Variants in SPACA7 observed in about 807,000 individuals in gnomAD.
SPACA7 encodes sperm acrosome-associated protein 7.
In SPACA7, 19 loss-of-function variants were observed where a neutral mutation model predicts 26.3. The observed-to-expected ratio is 0.72, with a 90% CI of 0.50 to 1.06. SPACA7 has a LOEUF of 1.06. Among genes scored for constraint, SPACA7 ranks in the 50% least tolerant of loss-of-function variants. The pLI, the probability that SPACA7 is intolerant of heterozygous loss-of-function variation, is 0.00. For missense variants in SPACA7, 211 were observed against 229.9 expected (o/e 0.92, Z 0.53); for synonymous variants, 84 against 84.5 (o/e 0.99, Z 0.04).
intron 1 of SPACA7, among the ~76,000 whole-genome samples, chr13:112,381,365 T>G (rs141753633): frequency 1.3e-3 from 190 of 152,000 alleles, no homozygotes; most frequent in East Asian, 7.8e-3. Flanking sequence ...TGGTGGCATG[T>G]GTCTATAGTT....
At chr13:112,383,143 AAGAAAGAAAGAAAGAAAG>A in intron 1 of SPACA7, among the ~76,000 whole-genome samples, 3 of 93,618 alleles carry the variant, frequency 3.2e-5, no homozygotes, top group South Asian at 3.4e-4. Context: ...GAAAGAAAGA[AAGAAAGAAAGAAAGAAAG>A]AAAGAAAGAA....
intron 5 of SPACA7, among the ~76,000 whole-genome samples, chr13:112,414,338 C>A (rs1417613507): frequency 4.5e-5 from 6 of 132,008 alleles, no homozygotes; most frequent in Non-Finnish European, 9.8e-5. Context: ...GTTATTATTT[C>A]AATCTTTCAT....
chr13:112,434,395 C>T lies in SPACA7; in HGVS notation c.524-90C>T, dbSNP rs1005279771. 56 of 1,121,900 alleles carry T rather than the reference C, an allele frequency of 5.0e-5. No homozygotes were observed. In the Admixed American group the frequency reaches 1.1e-3, roughly 21 times the overall value. The allele number at this position is 1,121,900 out of a possible 1,614,324, so 69.5% of individuals were successfully genotyped here. Reference sequence around the variant, plus strand: ...CTCCACAACTGAGGGCTTGGTTCCTCCTGTCCCCTGGTGTCCCTCGATCCT... The same window carrying T: ...CTCCACAACTGAGGGCTTGGTTCCTTCTGTCCCCTGGTGTCCCTCGATCCT... On this transcript the variant is annotated intron_variant, in intron 6 of 6. Coordinates refer to ENST00000283550, the MANE Select transcript of SPACA7 (RefSeq NM_145248.5).
intron 1 of SPACA7, among the ~76,000 whole-genome samples, chr13:112,387,566 T>C (rs999309165): frequency 3.3e-5 from 5 of 152,206 alleles, no homozygotes; most frequent in African/African-American, 1.2e-4. Context: ...AGTTTACCAT[T>C]TACTCAGAGA....
chr13:112,396,045 A>G (rs56794768), intron 2 of SPACA7, among the ~76,000 whole-genome samples: 1 of 125,622 alleles, frequency 8.0e-6, no homozygotes, highest in Admixed American at 8.0e-5. Context: ...CCCCAAAGCC[A>G]TGACTGCTCT....
chr13:112,431,442 T>C (rs1877127978), intron 5 of SPACA7, among the ~76,000 whole-genome samples: 1 of 152,162 alleles, frequency 6.6e-6, no homozygotes, highest in African/African-American at 2.4e-5. Flanking sequence ...TGGGACCTGG[T>C]AAAATCTAAG....
intron 5 of SPACA7, among the ~76,000 whole-genome samples, chr13:112,421,376 G>A (rs1467915403): frequency 6.6e-6 from 1 of 152,038 alleles, no homozygotes; most frequent in African/African-American, 2.4e-5. Flanking sequence ...GTAAAGCCTA[G>A]ATCCAACACT....
chr13:112,416,585 C>A (rs1886707268), intron 5 of SPACA7, among the ~76,000 whole-genome samples: 1 of 152,172 alleles, frequency 6.6e-6, no homozygotes. Flanking sequence ...CCATGCCCAG[C>A]CCCTGCTTTG....
At chr13:112,379,665 G>A (rs987819880) in intron 1 of SPACA7, among the ~76,000 whole-genome samples, 4 of 152,118 alleles carry the variant, frequency 2.6e-5, no homozygotes, top group Admixed American at 2.0e-4. Context: ...TGCTTTTTAC[G>A]AATTTAATGT....
intron 5 of SPACA7, among the ~76,000 whole-genome samples, chr13:112,415,570 T>C (rs975281969): frequency 3.3e-5 from 5 of 152,050 alleles, no homozygotes; most frequent in African/African-American, 9.7e-5. Flanking sequence ...AAGGCCCCTG[T>C]ACTCTTTTCT....
intron 2 of SPACA7, among the ~76,000 whole-genome samples, chr13:112,397,508 C>T (rs1197573417): frequency 1.3e-5 from 2 of 152,214 alleles, no homozygotes; most frequent in African/African-American, 4.8e-5. Flanking sequence ...AGCTCAGAGC[C>T]GTGAGGACGC....
intron 2 of SPACA7, among the ~76,000 whole-genome samples, chr13:112,397,496 A>C (rs1885350640): frequency 1.3e-5 from 2 of 152,238 alleles, no homozygotes; most frequent in Admixed American, 1.3e-4. Flanking sequence ...ACAGGAAACC[A>C]AAGCTCAGAG....
intron 1 of SPACA7, among the ~76,000 whole-genome samples, chr13:112,385,792 G>T (rs1214978609): frequency 6.6e-6 from 1 of 152,148 alleles, no homozygotes; most frequent in East Asian, 1.9e-4. Context: ...CAAAACATTT[G>T]ATTTAAGTGC....
chr13:112,382,443 G>A (rs568496658), intron 1 of SPACA7: 2 of 1,549,966 alleles, frequency 1.3e-6, no homozygotes, highest in South Asian at 1.2e-5. Flanking sequence ...ATGGGAAAAG[G>A]CTGTCAATGC....
intron 2 of SPACA7, among the ~76,000 whole-genome samples, chr13:112,397,803 A>G (rs1314096714): frequency 6.6e-6 from 1 of 152,200 alleles, no homozygotes; most frequent in Non-Finnish European, 1.5e-5. Flanking sequence ...TTGGGGGGCA[A>G]TGTTCAGTGT....
intron 1 of SPACA7, among the ~76,000 whole-genome samples, chr13:112,388,009 C>T (rs192830715): frequency 3.3e-5 from 5 of 152,218 alleles, no homozygotes; most frequent in Admixed American, 2.0e-4. Context: ...CTGGGCAAGG[C>T]GAAGACAGGC....
intron 5 of SPACA7, among the ~76,000 whole-genome samples, chr13:112,404,590 G>A (rs1173842448): frequency 6.6e-6 from 1 of 152,154 alleles, no homozygotes; most frequent in Admixed American, 6.5e-5. Flanking sequence ...GTTGATTTTT[G>A]TATAAGCTGA....
intron 5 of SPACA7, among the ~76,000 whole-genome samples, chr13:112,413,762 A>G (rs1886504159): frequency 6.6e-6 from 1 of 151,908 alleles, no homozygotes; most frequent in South Asian, 2.1e-4. Context: ...ATTGCTTTTT[A>G]TTTTCCCCTC....
intron 5 of SPACA7, among the ~76,000 whole-genome samples, chr13:112,408,541 G>A (rs1322816659): frequency 1.1e-5 from 1 of 94,144 alleles, no homozygotes; most frequent in African/African-American, 3.8e-5. Flanking sequence ...CAAAATCAAT[G>A]TGCGAAAATC....
Sources: gnomAD v4.1 joint callset for allele counts (sites outside exome capture counted in the v4.1 genomes callset) on GRCh38, gnomAD v4.1.1 for gene constraint, MANE v1.5 for transcripts, NCBI Gene and HGNC (gene_info 2026-07-23, HGNC 2026-07-21) for gene names.